TMEM132D: variants seen among roughly 807,000 people sequenced by gnomAD.
TMEM132D encodes the protein mature OL transmembrane protein.
TMEM132D carries 21 observed loss-of-function variants against 62.3 expected under a neutral mutation model. That is an observed-to-expected ratio of 0.34 (90% confidence interval 0.24 to 0.49). The LOEUF (loss-of-function observed/expected upper bound fraction) is 0.49, where lower values mean the gene tolerates loss of function less well. Among genes scored for constraint, TMEM132D ranks in the 20% least tolerant of loss-of-function variants. TMEM132D has a pLI of 0.99. For synonymous variants in TMEM132D, 621 were observed against 575.6 expected, an observed-to-expected ratio of 1.08 and a Z score of -1.13; for missense variants, 1,346 against 1,402.8, an observed-to-expected ratio of 0.96 and a Z score of 0.65.
intron 4 of TMEM132D, among the ~76,000 whole-genome samples, chr12:129,293,651 T>C (rs770528288): frequency 6.6e-6 from 1 of 152,182 alleles, no homozygotes; most frequent in Non-Finnish European, 1.5e-5. Context: ...CAGTAACAGA[T>C]CATCAGGCAT....
chr12:129,536,556 A>G (rs560825528), intron 2 of TMEM132D, among the ~76,000 whole-genome samples: 1 of 152,294 alleles, frequency 6.6e-6, no homozygotes, highest in South Asian at 2.1e-4. Flanking sequence ...CATTTTGCTT[A>G]TATGATGAAG....
intron 1 of TMEM132D, among the ~76,000 whole-genome samples, chr12:129,900,038 C>A (rs1009358518): frequency 6.6e-6 from 1 of 152,174 alleles, no homozygotes; most frequent in South Asian, 2.1e-4. Flanking sequence ...CCAATTAACA[C>A]CCCAGTGTCA....
In TMEM132D at chr12:129,552,667, C is replaced by T. The variant is rs538224550; in HGVS notation, c.969-21462G>A. Among the ~76,000 whole-genome samples the T allele has an allele frequency of 1.2e-4, 18 of 152,214 alleles. No individual in the cohort carries two copies. In the South Asian group the frequency reaches 2.7e-3, roughly 23 times the overall value. ...TACATAGCATCTATCTACCTACTTG[C>T]CTGATATCTATCCACCTAGTATTTA... On this transcript the variant is annotated intron_variant, in intron 2 of 8. Coordinates refer to ENST00000422113, the MANE Select transcript of TMEM132D (RefSeq NM_133448.3).
chr12:129,392,302 C>T (rs1360694178), intron 3 of TMEM132D, among the ~76,000 whole-genome samples: 7 of 152,074 alleles, frequency 4.6e-5, no homozygotes, highest in African/African-American at 1.7e-4. Flanking sequence ...GGGCGATCCG[C>T]CCACCTCAGC....
intron 4 of TMEM132D, among the ~76,000 whole-genome samples, chr12:129,216,529 G>C (rs1399203791): frequency 6.6e-6 from 1 of 152,144 alleles, no homozygotes; most frequent in East Asian, 1.9e-4. Context: ...TCAAGAATTG[G>C]CACAACCCAC....
intron 3 of TMEM132D, among the ~76,000 whole-genome samples, chr12:129,383,408 T>C (rs1392073243): frequency 1.3e-5 from 2 of 152,154 alleles, no homozygotes; most frequent in East Asian, 3.9e-4. Flanking sequence ...TAGCACCTCA[T>C]GTAAACCCTA....
At chr12:129,566,529 T>G (rs533266848) in intron 2 of TMEM132D, among the ~76,000 whole-genome samples, 1 of 152,336 alleles carries the variant, frequency 6.6e-6, no homozygotes, top group South Asian at 2.1e-4. Context: ...ACTGTAAGAC[T>G]GACAAAACAG....
chr12:129,192,851 C>CT (rs1245231583), intron 5 of TMEM132D, among the ~76,000 whole-genome samples: 2 of 152,172 alleles, frequency 1.3e-5, no homozygotes, highest in Non-Finnish European at 2.9e-5. Flanking sequence ...ATATACAACA[C>CT]TACCATTCTA....
chr12:129,532,348 A>G (rs1046202770), intron 2 of TMEM132D, among the ~76,000 whole-genome samples: 9 of 152,196 alleles, frequency 5.9e-5, no homozygotes, highest in Non-Finnish European at 1.0e-4. Context: ...CAATGGTGCC[A>G]GAGCCTACAT....
At chr12:129,684,572 T>C (rs1880861319) in intron 2 of TMEM132D, among the ~76,000 whole-genome samples, 2 of 152,160 alleles carry the variant, frequency 1.3e-5, no homozygotes, top group East Asian at 3.9e-4. Context: ...GCTATAAAGA[T>C]ATCTGAAAAT....
At chr12:129,822,275 C>G (rs1305291382) in intron 1 of TMEM132D, among the ~76,000 whole-genome samples, 4 of 152,034 alleles carry the variant, frequency 2.6e-5, no homozygotes, top group African/African-American at 9.7e-5. Flanking sequence ...TGAAGACCAC[C>G]CTCAGGTTGG....
intron 5 of TMEM132D, among the ~76,000 whole-genome samples, chr12:129,199,352 T>C (rs1445276314): frequency 2.0e-5 from 3 of 152,200 alleles, no homozygotes; most frequent in Non-Finnish European, 4.4e-5. Context: ...TCCACCCATC[T>C]TGGCCTCCCA....
At chr12:129,897,091 C>T (rs769322185) in intron 1 of TMEM132D, among the ~76,000 whole-genome samples, 1 of 152,128 alleles carries the variant, frequency 6.6e-6, no homozygotes, top group Non-Finnish European at 1.5e-5. Flanking sequence ...GGTATGTACC[C>T]CTTAATTCTT....
chr12:129,776,134 C>T (rs115926995), intron 1 of TMEM132D, among the ~76,000 whole-genome samples: 1,527 of 151,998 alleles, frequency 0.01, 30 homozygotes, highest in African/African-American at 0.035. Flanking sequence ...TCCCTTTTGT[C>T]GCCTAAAAGC....
intron 2 of TMEM132D, among the ~76,000 whole-genome samples, chr12:129,648,256 G>C (rs900094729): frequency 2.6e-5 from 4 of 152,022 alleles, no homozygotes; most frequent in Non-Finnish European, 4.4e-5. Flanking sequence ...GCCTCATCCT[G>C]TCCTGTGACC....
chr12:129,713,978 G>C (rs1868470839), intron 1 of TMEM132D, among the ~76,000 whole-genome samples: 1 of 152,196 alleles, frequency 6.6e-6, no homozygotes, highest in Non-Finnish European at 1.5e-5. Flanking sequence ...TGGATTTAGT[G>C]GCACCTTTGG....
chr12:129,517,479 A>G (rs1425797859), intron 3 of TMEM132D, among the ~76,000 whole-genome samples: 1 of 152,168 alleles, frequency 6.6e-6, no homozygotes, highest in South Asian at 2.1e-4. Flanking sequence ...AAAGGGGGTG[A>G]GGAAGACAGA....
At chr12:129,109,081 C>T (rs147596393) in intron 5 of TMEM132D, among the ~76,000 whole-genome samples, 48 of 152,276 alleles carry the variant, frequency 3.2e-4, no homozygotes, top group Admixed American at 1.7e-3. Context: ...CTACTATCAC[C>T]GAACATGAAC....
At chr12:129,839,397 A>G (rs1235539533) in intron 1 of TMEM132D, among the ~76,000 whole-genome samples, 1 of 151,670 alleles carries the variant, frequency 6.6e-6, no homozygotes, top group Non-Finnish European at 1.5e-5. Flanking sequence ...AAGTACTGGG[A>G]TTACAGGTGT....
Sources: gnomAD v4.1 joint callset for allele counts (sites outside exome capture counted in the v4.1 genomes callset) on GRCh38, gnomAD v4.1.1 for gene constraint, MANE v1.5 for transcripts, NCBI Gene and HGNC (gene_info 2026-07-23, HGNC 2026-07-21) for gene names.